The following MEIKIN variants were observed in gnomAD, a reference collection of about 807,000 sequenced individuals.
MEIKIN encodes meiosis-specific kinetochore protein.
intron 8 of MEIKIN, among the ~76,000 whole-genome samples, chr5:131,908,414 G>A (rs1000064268): frequency 4.6e-5 from 7 of 152,036 alleles, no homozygotes; most frequent in Admixed American, 2.0e-4. Flanking sequence ...CAGTAGGTAC[G>A]GAAGGAACAT....
intron 5 of MEIKIN, among the ~76,000 whole-genome samples, chr5:131,932,944 G>A (rs1016871080): frequency 2.0e-5 from 3 of 152,060 alleles, no homozygotes; most frequent in African/African-American, 7.2e-5. Context: ...CAGATCACCT[G>A]ATTAACCTTC....
intron 8 of MEIKIN, among the ~76,000 whole-genome samples, chr5:131,883,111 C>T (rs1040117668): frequency 2.6e-5 from 4 of 152,154 alleles, no homozygotes; most frequent in African/African-American, 7.2e-5. Context: ...TCATGTTTCC[C>T]GGTAACTAAA....
intron 4 of MEIKIN, among the ~76,000 whole-genome samples, chr5:131,940,464 G>A (rs541265597): frequency 1.7e-4 from 26 of 151,860 alleles, no homozygotes; most frequent in African/African-American, 2.7e-4. Flanking sequence ...TGGATTCAGC[G>A]GCCTCTGGTA....
At chr5:131,893,538 C>A (rs933055181) in intron 8 of MEIKIN, among the ~76,000 whole-genome samples, 1 of 152,248 alleles carries the variant, frequency 6.6e-6, no homozygotes, top group Non-Finnish European at 1.5e-5. Flanking sequence ...CTTGCACTTC[C>A]CGGGTGAGGC....
chr5:131,878,960 T>G lies in MEIKIN; in HGVS notation c.774+18A>C, dbSNP rs1750658695. On this transcript the variant is annotated intron_variant, in intron 9 of 12. Transcript: ENST00000442687. ...AAATGTATTATGATTTATGTAGTTA[T>G]TCTGCTTCAATACTTGCTTTTTTCT... is the stretch of plus-strand genomic sequence containing the variant. 2 of 398,504 alleles carry G rather than the reference T, an allele frequency of 5.0e-6. No homozygotes were observed. The highest frequency in any genetic ancestry group is 2.5e-4 in the South Asian group (2 of 7,860). 24.7% of individuals were successfully genotyped at this position (398,504 alleles called of 1,614,324 possible). A position where few individuals can be genotyped will look rare whatever the true frequency, so the allele number is the denominator to read the frequency against.
intron 11 of MEIKIN, among the ~76,000 whole-genome samples, chr5:131,843,585 G>C (rs893054793): frequency 6.6e-6 from 1 of 152,142 alleles, no homozygotes; most frequent in East Asian, 1.9e-4. Context: ...TTTACAGCAG[G>C]AGCACAATGC....
At chr5:131,810,124 T>C (rs1208355271) in intron 12 of MEIKIN, among the ~76,000 whole-genome samples, 1 of 152,214 alleles carries the variant, frequency 6.6e-6, no homozygotes, top group Non-Finnish European at 1.5e-5. Context: ...TACTACCATC[T>C]TTCGGATACT....
At chr5:131,832,268 T>C (rs945326648) in intron 11 of MEIKIN, among the ~76,000 whole-genome samples, 3 of 152,184 alleles carry the variant, frequency 2.0e-5, no homozygotes, top group Non-Finnish European at 4.4e-5. Flanking sequence ...ACAGGGCCCA[T>C]GCAAGTCTGA....
chr5:131,869,595 C>A (rs534542821), intron 9 of MEIKIN, among the ~76,000 whole-genome samples: 1 of 152,302 alleles, frequency 6.6e-6, no homozygotes, highest in African/African-American at 2.4e-5. Flanking sequence ...AACAAAAAAA[C>A]CCGAATATTC....
At chr5:131,906,686 T>C (rs1751248611) in intron 8 of MEIKIN, among the ~76,000 whole-genome samples, 1 of 152,176 alleles carries the variant, frequency 6.6e-6, no homozygotes, top group African/African-American at 2.4e-5. Flanking sequence ...CATGCAGTCA[T>C]ACAAAAGAAT....
intron 4 of MEIKIN, 137 bp from the exon 5 acceptor site, chr5:131,933,778 C>T (rs953745156): frequency 5.2e-6 from 2 of 382,088 alleles, no homozygotes; most frequent in African/African-American, 4.1e-5. Flanking sequence ...CTACATACAA[C>T]TAAAAAGGCA....
chr5:131,938,684 G>A (rs905997765), intron 4 of MEIKIN, among the ~76,000 whole-genome samples: 1 of 151,896 alleles, frequency 6.6e-6, no homozygotes, highest in African/African-American at 2.4e-5. Context: ...CTTTTTACAA[G>A]AGCCTGCACT....
chr5:131,861,938 TTGGAATCAGGGTAA>T (rs1750292183), intron 9 of MEIKIN, among the ~76,000 whole-genome samples: 1 of 152,176 alleles, frequency 6.6e-6, no homozygotes, highest in Non-Finnish European at 1.5e-5. Flanking sequence ...TTGTTTAGTT[TTGGAATCAGGGTAA>T]TGTTAGCCGC....
chr5:131,930,802 G>A (rs1372155658), intron 5 of MEIKIN, among the ~76,000 whole-genome samples: 2 of 151,990 alleles, frequency 1.3e-5, no homozygotes, highest in Non-Finnish European at 2.9e-5. Flanking sequence ...CCTCAGTTCA[G>A]TGATAGTATT....
chr5:131,874,338 C>A (rs1255494629), intron 9 of MEIKIN, among the ~76,000 whole-genome samples: 3 of 152,194 alleles, frequency 2.0e-5, no homozygotes, highest in Non-Finnish European at 4.4e-5. Flanking sequence ...CACAGAAATA[C>A]AAACTACCAT....
intron 7 of MEIKIN, among the ~76,000 whole-genome samples, chr5:131,913,352 A>T (rs1223476662): frequency 1.3e-5 from 2 of 152,112 alleles, no homozygotes; most frequent in African/African-American, 4.8e-5. Context: ...GTCATGTCAA[A>T]CTCTGAAAGT....
chr5:131,845,587 C>T (rs2133707), intron 11 of MEIKIN, among the ~76,000 whole-genome samples: 117,978 of 150,348 alleles, frequency 0.78, 46,499 homozygotes, highest in Middle Eastern at 0.83. Context: ...AAAATATCAA[C>T]AAAAACAGAA....
chr5:131,877,128 C>T (rs1451447783), intron 9 of MEIKIN, among the ~76,000 whole-genome samples: 1 of 151,266 alleles, frequency 6.6e-6, no homozygotes, highest in Non-Finnish European at 1.5e-5. Flanking sequence ...GCACATGTAC[C>T]TACAAGTTAA....
At chr5:131,828,289 A>G (rs1478390539) in intron 11 of MEIKIN, among the ~76,000 whole-genome samples, 1 of 152,052 alleles carries the variant, frequency 6.6e-6, no homozygotes, top group East Asian at 1.9e-4. Context: ...CAGCCTCCTG[A>G]GTAGCTGGGA....
Sources: gnomAD v4.1 joint callset for allele counts (sites outside exome capture counted in the v4.1 genomes callset) on GRCh38, gnomAD v4.1.1 for gene constraint, MANE v1.5 for transcripts, NCBI Gene and HGNC (gene_info 2026-07-23, HGNC 2026-07-21) for gene names.